Variants in TBC1D32 observed in about 807,000 individuals in gnomAD.
TBC1D32 encodes the protein TBC1 domain family member 32, also known as protein broad-minded.
In TBC1D32, 151 loss-of-function variants were observed where a neutral mutation model predicts 170.3. The ratio of observed to expected loss-of-function variants is 0.89; its 90% CI spans 0.78 to 1.01. The LOEUF is 1.01. Among genes scored for constraint, TBC1D32 ranks in the 50% least tolerant of loss-of-function variants. The pLI is 0.00. For synonymous variants in TBC1D32, 498 were observed against 488.0 expected (o/e 1.02, Z -0.27); for missense variants, 1,464 against 1,457.1 (o/e 1.00, Z -0.08).
intron 24 of TBC1D32, among the ~76,000 whole-genome samples, chr6:121,141,009 A>T (rs540455312): frequency 6.6e-6 from 1 of 152,176 alleles, no homozygotes; most frequent in Non-Finnish European, 1.5e-5. Flanking sequence ...AAAATACAGG[A>T]GAAAGAAATC....
rs964009296 is a variant in TBC1D32 at position 121,200,491 on chromosome 6, G to C, written c.2570+4584C>G. Among the ~76,000 whole-genome samples, 100 of 151,668 alleles carry C rather than the reference G, an allele frequency of 6.6e-4. 8 individuals carry two copies. Among genetic ancestry groups the C allele is most frequent in the African/African-American group, 2.1e-3 (85 of 40,970 alleles). On this transcript the variant is annotated intron_variant, in intron 22 of 31. Transcript: ENST00000398212. ...CTAAAAATGGTTAAGAAAAGTTTAA[G>C]CTGCTAAGCCTTGGGCAGTATCAAA...
chr6:121,280,768 T>C (rs1161574626), intron 14 of TBC1D32, among the ~76,000 whole-genome samples: 1 of 151,786 alleles, frequency 6.6e-6, no homozygotes, highest in Non-Finnish European at 1.5e-5. Flanking sequence ...CAAGTTAACC[T>C]AGCAAGCAAC....
At chr6:121,288,034 C>T (rs565856735) in intron 12 of TBC1D32, among the ~76,000 whole-genome samples, 31 of 152,148 alleles carry the variant, frequency 2.0e-4, no homozygotes, top group Middle Eastern at 3.4e-3. Context: ...GCTCTAAATG[C>T]CCACAAGAGA....
intron 22 of TBC1D32, among the ~76,000 whole-genome samples, chr6:121,194,486 C>T (rs1562854624): frequency 6.6e-6 from 1 of 152,216 alleles, no homozygotes; most frequent in African/African-American, 2.4e-5. Context: ...TCCCATCTGG[C>T]CTGTGCAGAA....
chr6:121,196,188 C>A (rs1790712198), intron 22 of TBC1D32, among the ~76,000 whole-genome samples: 1 of 152,180 alleles, frequency 6.6e-6, no homozygotes, highest in Admixed American at 6.5e-5. Context: ...TCCCCAGCCA[C>A]CCCTGTCATC....
At chr6:121,324,178 A>G (rs1810147401) in intron 1 of TBC1D32, among the ~76,000 whole-genome samples, 1 of 152,178 alleles carries the variant, frequency 6.6e-6, no homozygotes, top group Non-Finnish European at 1.5e-5. Flanking sequence ...GAAGTGTTAT[A>G]AGATATTTTA....
At chr6:121,324,816 C>T (rs1810239939) in intron 1 of TBC1D32, among the ~76,000 whole-genome samples, 1 of 152,108 alleles carries the variant, frequency 6.6e-6, no homozygotes. Flanking sequence ...TCAAGAGAAC[C>T]CTTTAAATAT....
At chr6:121,183,891 T>C (rs1203560651) in intron 22 of TBC1D32, among the ~76,000 whole-genome samples, 1 of 151,996 alleles carries the variant, frequency 6.6e-6, no homozygotes, top group East Asian at 1.9e-4. Context: ...TCTGAAATAC[T>C]AAACACAGAC....
chr6:121,244,454 A>T (rs4945681), intron 17 of TBC1D32, among the ~76,000 whole-genome samples: 9,811 of 152,144 alleles, frequency 0.064, 611 homozygotes, highest in Admixed American at 0.21. Context: ...AAGTGGGGGC[A>T]GGGTCTGAGC....
intron 13 of TBC1D32, among the ~76,000 whole-genome samples, chr6:121,282,384 A>T (rs1803141750): frequency 6.6e-6 from 1 of 151,760 alleles, no homozygotes; most frequent in African/African-American, 2.4e-5. Flanking sequence ...TTTTTAAGGT[A>T]AGATTGTCCT....
intron 24 of TBC1D32, among the ~76,000 whole-genome samples, chr6:121,133,361 A>G (rs535609350): frequency 1.3e-5 from 2 of 152,098 alleles, no homozygotes; most frequent in African/African-American, 4.8e-5. Context: ...TCCATTTACT[A>G]TATACAGAAG....
At chr6:121,101,333 C>A (rs1318969264) in intron 30 of TBC1D32, among the ~76,000 whole-genome samples, 2 of 151,970 alleles carry the variant, frequency 1.3e-5, no homozygotes, top group South Asian at 2.1e-4. Flanking sequence ...ATGCAAAAAT[C>A]CTCAATAAAA....
At chr6:121,282,993 T>C (rs956775972) in intron 13 of TBC1D32, among the ~76,000 whole-genome samples, 1 of 151,800 alleles carries the variant, frequency 6.6e-6, no homozygotes, top group Admixed American at 6.6e-5. Flanking sequence ...AGAAGGTACA[T>C]GTGTCAGCTT....
At chr6:121,260,426 A>C (rs1189075958) in intron 15 of TBC1D32, among the ~76,000 whole-genome samples, 2 of 152,134 alleles carry the variant, frequency 1.3e-5, no homozygotes, top group Admixed American at 6.5e-5. Context: ...CCAAAACAGC[A>C]TTTGAATCCT....
chr6:121,191,408 T>C (rs1291352367), intron 22 of TBC1D32, among the ~76,000 whole-genome samples: 1 of 152,220 alleles, frequency 6.6e-6, no homozygotes, highest in Non-Finnish European at 1.5e-5. Flanking sequence ...ATTTTTATTT[T>C]TTATTTTTTA....
chr6:121,276,421 T>A (rs1323418587), intron 15 of TBC1D32, among the ~76,000 whole-genome samples: 1 of 151,160 alleles, frequency 6.6e-6, no homozygotes, highest in Non-Finnish European at 1.5e-5. Flanking sequence ...TTAAAAAGAG[T>A]GACAAAAAAG....
intron 10 of TBC1D32, among the ~76,000 whole-genome samples, chr6:121,296,920 T>C (rs560499581): frequency 3.0e-4 from 45 of 152,174 alleles, no homozygotes; most frequent in South Asian, 4.1e-4. Flanking sequence ...AAATAATCTC[T>C]CTCAAAGACT....
chr6:121,300,993 C>T (rs939639150), intron 9 of TBC1D32, among the ~76,000 whole-genome samples: 4 of 152,144 alleles, frequency 2.6e-5, no homozygotes, highest in South Asian at 4.1e-4. Flanking sequence ...CAATGAGATA[C>T]CATCTCACAT....
intron 24 of TBC1D32, among the ~76,000 whole-genome samples, chr6:121,153,812 C>A (rs1315951597): frequency 6.6e-6 from 1 of 152,050 alleles, no homozygotes; most frequent in Non-Finnish European, 1.5e-5. Flanking sequence ...AACCACCACT[C>A]AAGCCTTAAT....
Sources: allele counts gnomAD v4.1 joint callset (sites outside exome capture counted in the v4.1 genomes callset), GRCh38; gene constraint gnomAD v4.1.1; transcripts MANE v1.5; gene names NCBI Gene and HGNC (gene_info 2026-07-23, HGNC 2026-07-21).